PCDHGA10: variants seen among roughly 807,000 people sequenced by gnomAD.
PCDHGA10 encodes protocadherin gamma-A10.
PCDHGA10 carries 42 observed loss-of-function variants against 59.5 expected under a neutral mutation model. That is an observed-to-expected ratio of 0.71 (90% CI 0.55 to 0.91). The LOEUF (loss-of-function observed/expected upper bound fraction) is 0.91. PCDHGA10 is among the 40% of genes least tolerant of loss of function. PCDHGA10 has a pLI of 0.00. For missense variants in PCDHGA10, 1,111 were observed against 1,198.2 expected, an observed-to-expected ratio of 0.93 and a Z score of 1.07; for synonymous variants, 511 against 517.2, an observed-to-expected ratio of 0.99 and a Z score of 0.16.
chr5:141,418,324 G>A, intron 1 of PCDHGA10: 2 of 1,614,006 alleles, frequency 1.2e-6, no homozygotes, highest in Non-Finnish European at 1.7e-6. Context: ...CAATTCTTGA[G>A]TCTGCAGAAG....
rs1486545769 is a variant in PCDHGA10 at position 141,431,780 on chromosome 5, A to T, written c.2436+16169A>T. On this transcript the variant is annotated intron_variant, in intron 1 of 3. Coordinates refer to ENST00000398610, the MANE Select transcript of PCDHGA10 (RefSeq NM_018913.3). This position sits in a 1 kb window ranked among gnomAD's most constrained non-coding sequence, Gnocchi z 4.8. The stretch of plus-strand genomic sequence containing the variant: ...AGTCCTGATCACTGTTCTGGACGTG[A>T]ACGACAATGCCCCAGAAGTGGTCCT... 4 of 1,614,086 alleles carry T rather than the reference A, an allele frequency of 2.5e-6. No homozygotes were observed. The highest frequency in any genetic ancestry group is 3.4e-6 in the Non-Finnish European group (4 of 1,180,028).
intron 1 of PCDHGA10, among the ~76,000 whole-genome samples, chr5:141,443,560 G>A (rs2098394386): frequency 6.6e-6 from 1 of 152,162 alleles, no homozygotes; most frequent in Non-Finnish European, 1.5e-5. Context: ...CAATTCAAAT[G>A]CTTTAAATGG....
rs2099623095 is a variant in PCDHGA10 at position 141,486,025 on chromosome 5, T to C, written c.2437-8782T>C. 1 of 1,613,958 alleles carries C rather than the reference T, an allele frequency of 6.2e-7. No individual in the cohort carries two copies. The highest frequency in any genetic ancestry group is 8.5e-7 in the Non-Finnish European group (1 of 1,179,932). The stretch of plus-strand genomic sequence containing the variant: ...ACGTCACCTTTTATTTCAGTGGTCA[T>C]ACCCCTGATCGTGTAAGAAACCTCT... On this transcript the variant is annotated intron_variant, in intron 1 of 3. Transcript: ENST00000398610. The surrounding 1 kb of genome is among the most constrained non-coding windows in gnomAD (Gnocchi z 5.0).
chr5:141,414,592 G>T lies in PCDHGA10; in HGVS notation c.1417G>T (p.Ala473Ser). 1 of 1,613,920 alleles carries T rather than the reference G, an allele frequency of 6.2e-7. No individual in the cohort carries two copies. Among genetic ancestry groups the T allele is most frequent in the Non-Finnish European group, 8.5e-7 (1 of 1,179,872 alleles). ...TATCCCAGAGAACAACGCCAGGGGT[G>T]CCTCCATCTTCTCAGTGACAGCGCT... ...TYIPENNARG[A>S]SIFSVTALDP... The change falls in exon 1 of 4, where the codon GCC becomes TCC. Residue 473 changes from alanine (A) to serine (S), a missense_variant. Coordinates refer to ENST00000398610, the MANE Select transcript of PCDHGA10 (RefSeq NM_018913.3).
At chr5:141,502,891 C>G (rs2099816930) in intron 2 of PCDHGA10, among the ~76,000 whole-genome samples, 1 of 117,990 alleles carries the variant, frequency 8.5e-6, no homozygotes, top group African/African-American at 3.4e-5. Context: ...GACAGGGAGT[C>G]TAGCTCTGTT....
chr5:141,417,647 C>G, intron 1 of PCDHGA10: 8 of 812,384 alleles, frequency 9.8e-6, no homozygotes, highest in Non-Finnish European at 1.5e-5. Flanking sequence ...ATCCCTCAGC[C>G]TCTAGCCTGG....
At chr5:141,422,639 C>A (rs777330051) in intron 1 of PCDHGA10, 1 of 1,612,780 alleles carries the variant, frequency 6.2e-7, no homozygotes, top group South Asian at 1.1e-5. Context: ...AGGGGTGCCT[C>A]CATCTTCTCA....
chr5:141,418,351 G>A, intron 1 of PCDHGA10: 1 of 1,614,026 alleles, frequency 6.2e-7, no homozygotes, highest in Non-Finnish European at 8.5e-7. Flanking sequence ...ATATTAGTAT[G>A]AATTCGCTGA....
At chr5:141,442,253 G>A (rs910914393) in intron 1 of PCDHGA10, 2 of 153,064 alleles carry the variant, frequency 1.3e-5, no homozygotes, top group Non-Finnish European at 2.9e-5. Flanking sequence ...TGCATTGTTT[G>A]TGCTGGTTTT....
chr5:141,430,826 CTG>C (rs2097313923), intron 1 of PCDHGA10: 1 of 1,550,416 alleles, frequency 6.4e-7, no homozygotes, highest in Non-Finnish European at 8.7e-7. Context: ...CCTGGGGACT[CTG>C]TGGGAGACCG....
Position 141,415,174 on chromosome 5 carries a change from G to C in PCDHGA10, c.1999G>C (p.Ala667Pro), listed in dbSNP as rs1368688199. ...PLSATVTLTV[A>P]VADSIPQVLA... ...CTCCGCCACTGTCACGCTCACCGTG[G>C]CCGTGGCCGACAGCATCCCCCAAGT... Residue 667 changes from alanine (A) to proline (P), a missense_variant, in exon 1 of 4, where the codon GCC becomes CCC. Ala to Pro is a conservative substitution (Grantham distance 27). Transcript: ENST00000398610. 4 of 1,613,784 alleles carry C rather than the reference G, an allele frequency of 2.5e-6. No homozygotes were observed. The African/African-American group carries it at 4.0e-5, about 16-fold the overall frequency.
chr5:141,420,857 C>T (rs1342820721), intron 1 of PCDHGA10, among the ~76,000 whole-genome samples: 1 of 152,220 alleles, frequency 6.6e-6, no homozygotes, highest in Non-Finnish European at 1.5e-5. Context: ...AAAGTTTTAA[C>T]GTCACATAAT....
intron 2 of PCDHGA10, among the ~76,000 whole-genome samples, chr5:141,497,977 G>A (rs1368982839): frequency 6.6e-6 from 1 of 152,216 alleles, no homozygotes; most frequent in Admixed American, 6.5e-5. Context: ...CTCGATGTGG[G>A]AGGCCCCTGC....
chr5:141,420,199 C>T (rs764130526), intron 1 of PCDHGA10: 12 of 1,613,362 alleles, frequency 7.4e-6, no homozygotes, highest in Non-Finnish European at 1.0e-5. Context: ...CACAAGATAA[C>T]CTCAACAAAG....
chr5:141,441,289 T>C (rs1350801949), intron 1 of PCDHGA10: 1 of 152,212 alleles, frequency 6.6e-6, no homozygotes, highest in Non-Finnish European at 1.5e-5. Flanking sequence ...CGAGGTCACA[T>C]GTCTGATATA....
chr5:141,487,811 A>T lies in PCDHGA10; in HGVS notation c.2437-6996A>T, dbSNP rs1389081995. 2.1e-6 allele frequency: 3 copies of T among 1,414,662 alleles called. No homozygotes were observed. In the African/African-American group the frequency reaches 4.3e-5, roughly 20 times the overall value. 87.6% of individuals were successfully genotyped at this position (1,414,662 alleles called of 1,614,324 possible). A position where few individuals can be genotyped will look rare whatever the true frequency, so the allele number is the denominator to read the frequency against. ...TTAACCAGAGTTGTCACAGTTTAGCATTGGGGGCGGGTCATGCCTATATCT... is the reference window on the plus strand; with the variant it reads ...TTAACCAGAGTTGTCACAGTTTAGCTTTGGGGGCGGGTCATGCCTATATCT... On this transcript the variant is annotated intron_variant, in intron 1 of 3. Transcript: ENST00000398610. The surrounding 1 kb of genome is among the most constrained non-coding windows in gnomAD (Gnocchi z 5.0).
In PCDHGA10 at chr5:141,512,517, A is replaced by G. The variant is rs985434754; in HGVS notation, c.*1344A>G. ...GTCCCCAGTGCGCCCCCTAGTGGCC[A>G]TAGCCTGGTTAAAGTTCCCCAGTGC... On this transcript the variant is annotated 3_prime_UTR_variant, in exon 4 of 4. Coordinates refer to ENST00000398610, the MANE Select transcript of PCDHGA10 (RefSeq NM_018913.3). 3 of 152,938 alleles carry G rather than the reference A, an allele frequency of 2.0e-5. No individual in the cohort carries two copies. Among genetic ancestry groups the G allele is most frequent in the African/African-American group, 7.2e-5 (3 of 41,464 alleles). 9.5% of individuals were successfully genotyped at this position (152,938 alleles called of 1,614,324 possible).
chr5:141,452,701 G>A (rs2098747163), intron 1 of PCDHGA10, among the ~76,000 whole-genome samples: 1 of 151,838 alleles, frequency 6.6e-6, no homozygotes, highest in Non-Finnish European at 1.5e-5. Context: ...TGTCAAGAAA[G>A]AAAGGAAGGA....
At chr5:141,501,883 G>A (rs1204174131) in intron 2 of PCDHGA10, among the ~76,000 whole-genome samples, 1 of 152,022 alleles carries the variant, frequency 6.6e-6, no homozygotes, top group African/African-American at 2.4e-5. Flanking sequence ...TTACACTCCT[G>A]ATCATCATGG....
Sources: gnomAD v4.1 joint callset for allele counts (sites outside exome capture counted in the v4.1 genomes callset) on GRCh38, gnomAD v4.1.1 for gene constraint, Gnocchi (gnomAD v3.1) non-coding constraint, MANE v1.5 for transcripts, NCBI Gene and HGNC (gene_info 2026-07-23, HGNC 2026-07-21) for gene names.